The following DYNC2I1 variants were observed in gnomAD, a reference collection of about 807,000 sequenced individuals.
DYNC2I1 encodes dynein 2 intermediate chain 1.
A neutral mutation model predicts 133.4 loss-of-function variants in DYNC2I1; 89 were observed. That is an observed-to-expected ratio of 0.67 (90% CI 0.56 to 0.80). The LOEUF (loss-of-function observed/expected upper bound fraction) is 0.80, where lower values mean the gene tolerates loss of function less well. Ranked by LOEUF, DYNC2I1 falls within the 30% of genes least tolerant of loss-of-function variation. The probability of loss-of-function intolerance (pLI) is 0.00; values close to 1 mark genes in which losing one functional copy is unlikely to be tolerated. For synonymous variants in DYNC2I1, 504 were observed against 484.3 expected, an observed-to-expected ratio of 1.04 and a Z score of -0.54; for missense variants, 1,291 against 1,314.5, an observed-to-expected ratio of 0.98 and a Z score of 0.28.
chr7:158,892,954 A>G (rs986602421), intron 8 of DYNC2I1, among the ~76,000 whole-genome samples: 6 of 151,852 alleles, frequency 4.0e-5, no homozygotes, highest in Non-Finnish European at 2.9e-5. Context: ...AAAAAAAAAA[A>G]AATTGAGAGG....
At chr7:158,873,817 C>T (rs1388639538) in intron 3 of DYNC2I1, among the ~76,000 whole-genome samples, 2 of 150,482 alleles carry the variant, frequency 1.3e-5, no homozygotes, top group Non-Finnish European at 3.0e-5. Flanking sequence ...AGTGAAGAGG[C>T]GCGATCTCGG....
intron 14 of DYNC2I1, among the ~76,000 whole-genome samples, chr7:158,915,316 C>G (rs865818405): frequency 9.2e-5 from 12 of 130,800 alleles, no homozygotes; most frequent in South Asian, 5.4e-4. Flanking sequence ...CCTGGACACG[C>G]TGGTTGACAT....
In DYNC2I1 at chr7:158,945,666, A is replaced by G. The variant is rs372025715; in HGVS notation, c.3088A>G (p.Ile1030Val). ...GGTGCTGGCCAGGGCGTCTGGCTCC[A>G]TCGACATCCAGCACCTGAAGAGGCG... is the stretch of plus-strand genomic sequence containing the variant. ...ALVLARASGS[I>V]DIQHLKRRWA... The change falls in exon 25 of 25, where the codon ATC (isoleucine) becomes GTC (valine). Residue 1030 changes from isoleucine (I) to valine (V), a missense_variant. Coordinates refer to ENST00000407559, the MANE Select transcript of DYNC2I1 (RefSeq NM_018051.5). The surrounding 1 kb of genome is among the most constrained non-coding windows in gnomAD (Gnocchi z 4.1). 3.8e-5 allele frequency: 62 copies of G among 1,612,788 alleles called. No individual in the cohort carries two copies. The East Asian group carries it at 1.0e-3, about 27-fold the overall frequency.
Position 158,945,598 on chromosome 7 carries a change from C to T in DYNC2I1, c.3020C>T (p.Ala1007Val), listed in dbSNP as rs377528954. 4.9e-5 allele frequency: 79 copies of T among 1,606,374 alleles called. No homozygotes were observed. The highest frequency in any genetic ancestry group is 1.8e-4 in the East Asian group (8 of 44,600). The part of the protein sequence containing the change: ...VSPNRLVAMA[A>V]VGEPEKAGGS... ...CCCTGCAGGCTGGTGGCCATGGCTG[C>T]GGTGGGTGAGCCTGAGAAGGCTGGT... Residue 1007 changes from alanine (A) to valine (V), a missense_variant, in exon 25 of 25, where the codon GCG (alanine) becomes GTG (valine). By Grantham distance (64) the Ala-to-Val change is moderately conservative. Coordinates refer to ENST00000407559, the MANE Select transcript of DYNC2I1 (RefSeq NM_018051.5). The surrounding 1 kb of genome is among the most constrained non-coding windows in gnomAD (Gnocchi z 4.1).
intron 8 of DYNC2I1, 87 bp downstream of exon 8, chr7:158,891,420 C>T: frequency 6.9e-7 from 1 of 1,445,898 alleles, no homozygotes. Context: ...CAGCATTTTG[C>T]TAGTGCAATT....
intron 21 of DYNC2I1, 63 bp from the exon 22 acceptor site, chr7:158,934,066 A>G (rs1346663148): frequency 1.7e-6 from 2 of 1,152,052 alleles, no homozygotes; most frequent in African/African-American, 3.1e-5. Context: ...CAGTGTTAAT[A>G]CCATCATTAT....
intron 10 of DYNC2I1, 35 bp from the exon 11 acceptor site, chr7:158,905,954 G>C: frequency 1.3e-6 from 2 of 1,545,348 alleles, no homozygotes; most frequent in Non-Finnish European, 1.8e-6. Context: ...ACATATTTCC[G>C]TGTTGGAAAA....
In DYNC2I1 at chr7:158,891,272, A is replaced by G; in HGVS notation, c.998A>G (p.His333Arg). ...CTGTTCTCTCTCCATTAGCATGGCC[A>G]CGAGGAAGGCTCTTCTGTGTGGTGG... ...KDKDSRRKHG[H>R]EEGSSVWWKL... is the part of the protein sequence containing the mutation. Residue 333 changes from histidine to arginine, a missense_variant, in exon 8 of 25, where the codon CAC (histidine) becomes CGC (arginine). Transcript: ENST00000407559. 6.2e-7 allele frequency: 1 copy of G among 1,614,030 alleles called. No homozygotes were observed. Among genetic ancestry groups the G allele is most frequent in the Non-Finnish European group, 8.5e-7 (1 of 1,179,894 alleles).
intron 7 of DYNC2I1, among the ~76,000 whole-genome samples, chr7:158,888,385 G>T (rs1473813421): frequency 1.3e-5 from 2 of 151,834 alleles, no homozygotes; most frequent in East Asian, 3.9e-4. Context: ...ATTATTTCTG[G>T]AGAATAATTT....
At chr7:158,915,537 C>T (rs1305263554) in intron 14 of DYNC2I1, among the ~76,000 whole-genome samples, 13 of 151,700 alleles carry the variant, frequency 8.6e-5, no homozygotes, top group Non-Finnish European at 1.6e-4. Context: ...GGTGAAACCT[C>T]GACACGGTGG....
At chr7:158,904,929 C>T (rs745595777) in intron 10 of DYNC2I1, 52 of 281,716 alleles carry the variant, frequency 1.8e-4, no homozygotes, top group Non-Finnish European at 1.6e-4. Context: ...TTCATAAAAC[C>T]GTAAGACGGG....
At position 158,952,549 on chromosome 7, in the gene DYNC2I1, A is replaced by G. The variant is rs558737743; in HGVS notation, c.*57-4034A>G. ...TTTACAGCCTGACAGTAAAAGCAGAAAAGTAAACTAGATACTTAAAAAAAT... is the reference window on the plus strand; with the variant it reads ...TTTACAGCCTGACAGTAAAAGCAGAGAAGTAAACTAGATACTTAAAAAAAT... On this transcript the variant is annotated intron_variant and NMD_transcript_variant, in intron 4 of 4. Transcript: ENST00000454771. Among the ~76,000 whole-genome samples, 42 of 130,968 alleles carry G rather than the reference A, an allele frequency of 3.2e-4. 1 individual carries two copies. Among genetic ancestry groups the G allele is most frequent in the Admixed American group, 3.1e-3 (39 of 12,430 alleles). 85.9% of individuals were successfully genotyped at this position (130,968 alleles called of 152,430 possible). A position where few individuals can be genotyped will look rare whatever the true frequency, so the allele number is the denominator to read the frequency against.
At chr7:158,939,507 A>G (rs1334890160) in intron 23 of DYNC2I1, among the ~76,000 whole-genome samples, 2 of 152,242 alleles carry the variant, frequency 1.3e-5, no homozygotes, top group African/African-American at 4.8e-5. Context: ...AACAAAAAGC[A>G]ACAAATTAGA....
the DYNC2I1 span, among the ~76,000 whole-genome samples, chr7:158,845,227 G>C: frequency 1.1e-4 from 16 of 152,040 alleles, no homozygotes; most frequent in African/African-American, 3.9e-4. Flanking sequence ...AAAGCTATAG[G>C]ATTTTTTTTT....
At chr7:158,884,758 C>T in intron 6 of DYNC2I1, 139 bp downstream of exon 6, 1 of 725,794 alleles carries the variant, frequency 1.4e-6, no homozygotes, top group South Asian at 4.2e-5. Flanking sequence ...CTAGATTTTA[C>T]CCCTTAGCCC....
intron 5 of DYNC2I1, among the ~76,000 whole-genome samples, chr7:158,883,478 C>G (rs1300610703): frequency 1.3e-5 from 2 of 151,320 alleles, no homozygotes; most frequent in African/African-American, 2.4e-5. Flanking sequence ...CTTGGCCTAC[C>G]AAGGCCAAGT....
At chr7:158,947,342 G>C (rs961848162), downstream of DYNC2I1, among the ~76,000 whole-genome samples, 4 of 152,168 alleles carry the variant, frequency 2.6e-5, no homozygotes, top group Non-Finnish European at 4.4e-5. Flanking sequence ...CTTGATGATT[G>C]GTCTAGAAGT....
rs2301901 is a variant in DYNC2I1, at chr7:158,914,380, A to G, written c.1791+59A>G. ...GTAAGTGCTTAAAGTTTCATTCTAC[A>G]TAGAAACATAGGAGCTTTTAAGATC... On this transcript the variant is annotated intron_variant, in intron 14 of 24. Coordinates refer to ENST00000407559, the MANE Select transcript of DYNC2I1 (RefSeq NM_018051.5). 71,817 of 1,350,318 alleles carry G rather than the reference A, an allele frequency of 0.053. 2,357 individuals carry two copies. The highest frequency in any genetic ancestry group is 0.14 in the African/African-American group (9,684 of 68,764). The allele number at this position is 1,350,318 out of a possible 1,614,324, so 83.6% of individuals were successfully genotyped here. A position where few individuals can be genotyped will look rare whatever the true frequency, so the allele number is the denominator to read the frequency against.
chr7:158,926,850 G>A (rs1849680141), intron 19 of DYNC2I1, 142 bp from the exon 20 acceptor site: 2 of 649,204 alleles, frequency 3.1e-6, no homozygotes, highest in Non-Finnish European at 5.3e-6. Context: ...TTAGTTCTGA[G>A]GCTAAAGATC....
Sources: gnomAD v4.1 joint callset for allele counts (sites outside exome capture counted in the v4.1 genomes callset) on GRCh38, gnomAD v4.1.1 for gene constraint, Gnocchi (gnomAD v3.1) non-coding constraint, MANE v1.5 for transcripts, NCBI Gene and HGNC (gene_info 2026-07-23, HGNC 2026-07-21) for gene names.